Variants in FCER1A observed in about 807,000 individuals in gnomAD.
FCER1A encodes Fc epsilon receptor Ia.
A neutral mutation model predicts 23.6 loss-of-function variants in FCER1A; 24 were observed. That is an observed-to-expected ratio of 1.02 (90% CI 0.74 to 1.43). The LOEUF (loss-of-function observed/expected upper bound fraction) is 1.43, where lower values mean the gene tolerates loss of function less well. FCER1A is among the 40% of genes most tolerant of loss of function. FCER1A has a pLI of 0.00. For missense variants in FCER1A, 318 were observed against 294.5 expected, an observed-to-expected ratio of 1.08 and a Z score of -0.58; for synonymous variants, 121 against 108.8, an observed-to-expected ratio of 1.11 and a Z score of -0.70.
intron 1 of FCER1A, among the ~76,000 whole-genome samples, chr1:159,290,546 C>G (rs998958673): frequency 7.9e-5 from 12 of 152,102 alleles, no homozygotes; most frequent in African/African-American, 2.9e-4. Context: ...TGCTGGAGCA[C>G]CTTGTTGAAT....
upstream of FCER1A, among the ~76,000 whole-genome samples, chr1:159,298,381 C>T (rs549273416): frequency 6.6e-6 from 1 of 152,282 alleles, no homozygotes; most frequent in East Asian, 1.9e-4. Context: ...GGCTTGGTGC[C>T]TTCCCCATGG....
At chr1:159,305,907 C>A in intron 3 of FCER1A, 81 bp from the exon 4 acceptor site, 1 of 1,244,052 alleles carries the variant, frequency 8.0e-7, no homozygotes, top group South Asian at 1.4e-5. Context: ...GACACATGCT[C>A]TATGCGTGGC....
At chr1:159,284,165 T>C in the FCER1A span, among the ~76,000 whole-genome samples, 1 of 152,152 alleles carries the variant, frequency 6.6e-6, no homozygotes, top group Non-Finnish European at 1.5e-5. Flanking sequence ...ATCAAAAGGT[T>C]ATAGGGGCCG....
upstream of FCER1A, among the ~76,000 whole-genome samples, chr1:159,288,194 T>C (rs1217051714): frequency 1.3e-5 from 2 of 152,210 alleles, no homozygotes; most frequent in African/African-American, 4.8e-5. Context: ...CTGTTAAAAA[T>C]GAATACATTC....
chr1:159,283,650 A>G, the FCER1A span, among the ~76,000 whole-genome samples: 88 of 151,596 alleles, frequency 5.8e-4, no homozygotes, highest in African/African-American at 2.0e-3. Context: ...ACGGAAGCAA[A>G]AACACACAAA....
At chr1:159,296,381 G>A (rs12140357) in intron 1 of FCER1A, among the ~76,000 whole-genome samples, 5,505 of 152,196 alleles carry the variant, frequency 0.036, 112 homozygotes, top group Middle Eastern at 0.092. Flanking sequence ...TCATGAATAT[G>A]AGTGCTACAA....
chr1:159,303,582 C>T (rs16841997), intron 2 of FCER1A, among the ~76,000 whole-genome samples: 16,221 of 152,206 alleles, frequency 0.11, 1,394 homozygotes, highest in East Asian at 0.51. Context: ...ACATGGCAGA[C>T]AGTGTTTCTA....
intron 1 of FCER1A, among the ~76,000 whole-genome samples, chr1:159,295,121 T>C (rs1320935361): frequency 2.0e-5 from 3 of 152,216 alleles, no homozygotes; most frequent in Non-Finnish European, 4.4e-5. Context: ...TTCTCTGCTA[T>C]AGACTTCTAA....
intron 1 of FCER1A, among the ~76,000 whole-genome samples, chr1:159,294,708 T>C (rs964884050): frequency 7.9e-5 from 12 of 152,200 alleles, no homozygotes; most frequent in Non-Finnish European, 1.3e-4. Context: ...AATGAAAATA[T>C]ATGATGAAGA....
In FCER1A at chr1:159,307,828, A is replaced by G. The variant is rs1652661483; in HGVS notation, c.670A>G (p.Ile224Val). ...ILFAVDTGLFISTQQQVTFLL... is the reference protein window; with the variant it reads ...ILFAVDTGLFVSTQQQVTFLL... ...GTTTGCTGTGGACACAGGATTATTTATCTCAACTCAGCAGCAGGTCACATT... is the reference window on the plus strand; with the variant it reads ...GTTTGCTGTGGACACAGGATTATTTGTCTCAACTCAGCAGCAGGTCACATT... The change falls in exon 5 of 5, where the codon ATC (isoleucine) becomes GTC (valine). Residue 224 changes from isoleucine to valine, a missense_variant. Transcript: ENST00000693622. The G allele has an allele frequency of 6.2e-7, 1 of 1,613,382 alleles. No individual in the cohort carries two copies.
chr1:159,286,017 C>G (rs1426316697), upstream of FCER1A, among the ~76,000 whole-genome samples: 1 of 151,902 alleles, frequency 6.6e-6, no homozygotes, highest in Non-Finnish European at 1.5e-5. Flanking sequence ...TGGTGAAACA[C>G]AATCTCTACC....
upstream of FCER1A, among the ~76,000 whole-genome samples, chr1:159,299,461 A>G (rs1412827393): frequency 6.6e-6 from 1 of 152,192 alleles, no homozygotes; most frequent in African/African-American, 2.4e-5. Flanking sequence ...CGCTGGATCC[A>G]GTTGCAGGGG....
chr1:159,302,805 G>A (rs762121643), intron 1 of FCER1A, 49 bp from the exon 2 acceptor site: 9 of 1,583,384 alleles, frequency 5.7e-6, no homozygotes, highest in Middle Eastern at 1.7e-4. Flanking sequence ...GTCCTCTGGA[G>A]ATAAAGAAGA....
Position 159,303,964 on chromosome 1 carries a change from G to A in FCER1A, c.113G>A (p.Trp38Ter). 1 of 1,611,248 alleles carries A rather than the reference G, an allele frequency of 6.2e-7. No homozygotes were observed. Among genetic ancestry groups the A allele is most frequent in the Non-Finnish European group, 8.5e-7 (1 of 1,177,516 alleles). Residue 38 changes from tryptophan (W) to a stop codon, truncating the protein, a stop_gained, in exon 3 of 5, where the codon TGG becomes TAG. Coordinates refer to ENST00000693622, the MANE Select transcript of FCER1A (RefSeq NM_001387280.1). LOFTEE classifies it high-confidence loss of function. ...QKPKVSLNPP[W>*]NRIFKGENVT... ...CCTAAGGTCTCCTTGAACCCTCCAT[G>A]GAATAGAATATTTAAAGGAGAGAAT...
chr1:159,297,043 C>T (rs1019202984), intron 1 of FCER1A, among the ~76,000 whole-genome samples: 1 of 152,108 alleles, frequency 6.6e-6, no homozygotes, highest in Non-Finnish European at 1.5e-5. Context: ...TGTCTGTTAA[C>T]GGCCTAAAAG....
intron 1 of FCER1A, among the ~76,000 whole-genome samples, chr1:159,293,406 A>T (rs1422076210): frequency 1.3e-5 from 2 of 151,246 alleles, no homozygotes; most frequent in Non-Finnish European, 2.9e-5. Context: ...TTTTATTATT[A>T]TTATACTTTA....
At chr1:159,297,545 G>T (rs1571078246), upstream of FCER1A, among the ~76,000 whole-genome samples, 1 of 152,082 alleles carries the variant, frequency 6.6e-6, no homozygotes, top group African/African-American at 2.4e-5. Flanking sequence ...CACCCTTAAG[G>T]TAGGTACTAT....
upstream of FCER1A, among the ~76,000 whole-genome samples, chr1:159,302,066 A>G (rs1406447756): frequency 2.0e-5 from 3 of 152,200 alleles, no homozygotes; most frequent in Non-Finnish European, 4.4e-5. Context: ...AAATAGTTGT[A>G]CACAGATTGA....
chr1:159,290,849 G>T (rs528392729), intron 1 of FCER1A, among the ~76,000 whole-genome samples: 7 of 136,282 alleles, frequency 5.1e-5, no homozygotes, highest in Non-Finnish European at 1.1e-4. Context: ...TTTTAATAAA[G>T]TCATTGTGGT....
Sources: allele counts gnomAD v4.1 joint callset (sites outside exome capture counted in the v4.1 genomes callset), GRCh38; gene constraint gnomAD v4.1.1; transcripts MANE v1.5; gene names NCBI Gene and HGNC (gene_info 2026-07-23, HGNC 2026-07-21).